The following MSH3 variants were observed in gnomAD, a reference collection of about 807,000 sequenced individuals.
MSH3 encodes DNA mismatch repair protein Msh3.
MSH3 carries 106 observed loss-of-function variants against 123.3 expected under a neutral mutation model. The ratio of observed to expected loss-of-function variants is 0.86; its 90% CI spans 0.73 to 1.01. The LOEUF is 1.01. MSH3 is among the 50% of genes least tolerant of loss of function. MSH3 has a pLI of 0.00. For synonymous variants in MSH3, 515 were observed against 481.4 expected (o/e 1.07, Z -0.91); for missense variants, 1,459 against 1,347.6 (o/e 1.08, Z -1.29).
At chr5:80,801,646 G>A (rs1744793105) in intron 19 of MSH3, among the ~76,000 whole-genome samples, 1 of 152,114 alleles carries the variant, frequency 6.6e-6, no homozygotes, top group Admixed American at 6.5e-5. Context: ...CTTTTCCCAG[G>A]TACTTCATGC....
intron 20 of MSH3, among the ~76,000 whole-genome samples, chr5:80,815,935 A>G (rs529371142): frequency 9.2e-5 from 14 of 152,346 alleles, no homozygotes; most frequent in African/African-American, 3.1e-4. Flanking sequence ...ATATATTTAC[A>G]ATATTAGTGT....
chr5:80,859,075 T>C (rs1375330756), intron 21 of MSH3, among the ~76,000 whole-genome samples: 4 of 152,152 alleles, frequency 2.6e-5, no homozygotes, highest in African/African-American at 9.7e-5. Flanking sequence ...GAAATTAATA[T>C]AGCTGCTTCA....
At chr5:80,753,047 A>G (rs1390446449) in intron 12 of MSH3, among the ~76,000 whole-genome samples, 4 of 152,158 alleles carry the variant, frequency 2.6e-5, no homozygotes, top group Non-Finnish European at 5.9e-5. Flanking sequence ...TTTTACATGT[A>G]TTTGCAATAT....
At chr5:80,714,333 A>G (rs1012889123) in intron 8 of MSH3, among the ~76,000 whole-genome samples, 2 of 151,726 alleles carry the variant, frequency 1.3e-5, no homozygotes, top group Non-Finnish European at 2.9e-5. Context: ...ACAGGGTTTC[A>G]CCATGTTGGC....
rs759555645 is a variant in MSH3, at chr5:80,675,110, C to G, written c.1155C>G (p.Asn385Lys). ...ATGTTAGGGACAAAAAAAAGGGCAACATTTTTATTGGCATTGTGGTAAGTA... is the reference window on the plus strand; with the variant it reads ...ATGTTAGGGACAAAAAAAAGGGCAAGATTTTTATTGGCATTGTGGTAAGTA... ...KENVRDKKKG[N>K]IFIGIVGVQP... Residue 385 changes from asparagine to lysine, a missense_variant, in exon 7 of 24, where the codon AAC (asparagine) becomes AAG (lysine). By Grantham distance (94) the Asn-to-Lys change is moderately conservative (BLOSUM62 0). Transcript: ENST00000265081. 4.3e-6 allele frequency: 7 copies of G among 1,613,568 alleles called. No individual in the cohort carries two copies. The African/African-American group carries it at 8.0e-5, about 18-fold the overall frequency.
intron 14 of MSH3, 132 bp downstream of exon 14, chr5:80,768,252 T>G: frequency 1.1e-6 from 1 of 885,668 alleles, no homozygotes; most frequent in Non-Finnish European, 1.8e-6. Flanking sequence ...TAATTAGAAA[T>G]GTGATTGGAC....
chr5:80,785,969 C>T (rs1017087127), intron 17 of MSH3, among the ~76,000 whole-genome samples: 23 of 131,546 alleles, frequency 1.7e-4, no homozygotes, highest in East Asian at 1.4e-3. Flanking sequence ...GGAAGGGGAA[C>T]ATCACACTCT....
intron 21 of MSH3, among the ~76,000 whole-genome samples, chr5:80,861,221 G>A (rs149313012): frequency 3.9e-5 from 6 of 152,204 alleles, no homozygotes; most frequent in African/African-American, 1.2e-4. Context: ...TATGTCTTGC[G>A]ACTTTTTCTT....
chr5:80,686,048 G>GTAA (rs1561442105), intron 8 of MSH3, among the ~76,000 whole-genome samples: 1 of 152,092 alleles, frequency 6.6e-6, no homozygotes, highest in Non-Finnish European at 1.5e-5. Flanking sequence ...AATGTTTTAA[G>GTAA]ACTTGTTTTG....
At chr5:80,792,710 T>G (rs1214937874) in intron 18 of MSH3, 23 bp from the exon 19 acceptor site, 3 of 1,444,152 alleles carry the variant, frequency 2.1e-6, no homozygotes, top group Non-Finnish European at 2.9e-6. Flanking sequence ...CCTAGTAAAT[T>G]GAAACATATT....
chr5:80,672,945 T>C, intron 6 of MSH3, 87 bp downstream of exon 6: 1 of 1,095,906 alleles, frequency 9.1e-7, no homozygotes, highest in South Asian at 1.2e-5. Flanking sequence ...TGTTTTTTAG[T>C]TGCTCTTTGG....
chr5:80,661,940 GA>G (rs929289100), intron 2 of MSH3, among the ~76,000 whole-genome samples: 2 of 139,062 alleles, frequency 1.4e-5, no homozygotes, highest in Non-Finnish European at 3.2e-5. Context: ...TTTAGAGTTA[GA>G]AAGGGGGTGC....
At chr5:80,713,734 T>G (rs1750902055) in intron 8 of MSH3, among the ~76,000 whole-genome samples, 1 of 152,212 alleles carries the variant, frequency 6.6e-6, no homozygotes, top group South Asian at 2.1e-4. Flanking sequence ...TGGAGCAGAT[T>G]TCCATCCATT....
intron 17 of MSH3, among the ~76,000 whole-genome samples, chr5:80,782,241 G>A (rs1327620072): frequency 6.6e-6 from 1 of 152,102 alleles, no homozygotes; most frequent in East Asian, 1.9e-4. Context: ...CTTTGCAAAT[G>A]CAGTTGGCTC....
At chr5:80,875,314 GAAA>G (rs771260780) in intron 23 of MSH3, among the ~76,000 whole-genome samples, 1 of 143,288 alleles carries the variant, frequency 7.0e-6, no homozygotes, top group Non-Finnish European at 1.5e-5. Flanking sequence ...CTATTCTGCA[GAAA>G]AAAAAAAAAA....
In MSH3 at chr5:80,854,139, T is replaced by G; in HGVS notation, c.2823T>G (p.Ala941=). 6.2e-7 allele frequency: 1 copy of G among 1,613,478 alleles called. No homozygotes were observed. The highest frequency in any genetic ancestry group is 1.3e-5 in the African/African-American group (1 of 75,032). The change falls in exon 21 of 24, where the codon GCT becomes GCG. Residue 941 remains alanine, a synonymous_variant. Coordinates refer to ENST00000265081, the MANE Select transcript of MSH3 (RefSeq NM_002439.5). ...TTCATCTTGCTTGTAGGATGGGTGCTGCAGACAATATATATAAAGGACAGA... is the reference window on the plus strand; with the variant it reads ...TTCATCTTGCTTGTAGGATGGGTGCGGCAGACAATATATATAAAGGACAGA... ...IVDGIFTRMG[A]ADNIYKGQST...
At chr5:80,672,968 T>C (rs1395201534) in intron 6 of MSH3, 110 bp downstream of exon 6, 2 of 847,860 alleles carry the variant, frequency 2.4e-6, no homozygotes, top group Non-Finnish European at 4.0e-6. Flanking sequence ...ACTTTTTAGA[T>C]GAGCTGAGAG....
intron 17 of MSH3, among the ~76,000 whole-genome samples, chr5:80,784,285 T>G (rs1472699215): frequency 9.1e-6 from 1 of 110,264 alleles, no homozygotes; most frequent in Non-Finnish European, 1.9e-5. Flanking sequence ...AGAGCAGGAA[T>G]AACAAGGCAA....
chr5:80,667,728 A>G (rs1414702656), intron 3 of MSH3, among the ~76,000 whole-genome samples: 1 of 152,226 alleles, frequency 6.6e-6, no homozygotes, highest in Non-Finnish European at 1.5e-5. Context: ...AGCTGGCACC[A>G]GGGAACACAG....
Sources: gnomAD v4.1 joint callset for allele counts (sites outside exome capture counted in the v4.1 genomes callset) on GRCh38, gnomAD v4.1.1 for gene constraint, MANE v1.5 for transcripts, NCBI Gene and HGNC (gene_info 2026-07-23, HGNC 2026-07-21) for gene names.